The following KATNIP variants were observed in gnomAD, a reference collection of about 807,000 sequenced individuals.
The protein encoded by KATNIP is katanin interacting protein, also known as katanin-interacting protein.
A neutral mutation model predicts 174.0 loss-of-function variants in KATNIP; 126 were observed. The observed-to-expected ratio is 0.72, with a 90% confidence interval of 0.63 to 0.84. KATNIP has a LOEUF of 0.84. Among genes scored for constraint, KATNIP ranks in the 40% least tolerant of loss-of-function variants. The probability of loss-of-function intolerance (pLI) is 0.00; values close to 1 mark genes in which losing one functional copy is unlikely to be tolerated. For missense variants in KATNIP, 1,958 were observed against 2,109.7 expected (o/e 0.93, Z 1.41); for synonymous variants, 810 against 835.7 (o/e 0.97, Z 0.53).
intron 14 of KATNIP, among the ~76,000 whole-genome samples, chr16:27,735,683 C>T (rs1293451308): frequency 1.3e-5 from 2 of 152,168 alleles, no homozygotes; most frequent in Non-Finnish European, 2.9e-5. Flanking sequence ...GTTCCTGTGG[C>T]GTAACGCAGG....
chr16:27,708,430 T>C, intron 12 of KATNIP: 1 of 382,220 alleles, frequency 2.6e-6, no homozygotes, highest in Non-Finnish European at 4.7e-6. Flanking sequence ...ATTCAATGCT[T>C]TTTAGACATT....
At chr16:27,568,624 C>T (rs2090174306) in intron 1 of KATNIP, among the ~76,000 whole-genome samples, 1 of 152,194 alleles carries the variant, frequency 6.6e-6, no homozygotes, top group East Asian at 1.9e-4. Context: ...GCCATCACGC[C>T]CAGCTAATTT....
intron 16 of KATNIP, among the ~76,000 whole-genome samples, chr16:27,750,916 C>T (rs938156861): frequency 2.0e-5 from 3 of 151,482 alleles, no homozygotes; most frequent in Non-Finnish European, 4.4e-5. Flanking sequence ...TTTGTAGAGA[C>T]GAGGTTTCAC....
At chr16:27,631,398 C>T (rs534970751) in intron 5 of KATNIP, 49 of 488,042 alleles carry the variant, frequency 1.0e-4, no homozygotes, top group African/African-American at 6.4e-4. Context: ...ATAAAAAATT[C>T]GCCAGGTGTG....
chr16:27,764,725 C>A (rs1370308749), intron 19 of KATNIP, among the ~76,000 whole-genome samples: 1 of 152,210 alleles, frequency 6.6e-6, no homozygotes, highest in African/African-American at 2.4e-5. Context: ...TCTCTGCTCT[C>A]AGAATTGGGC....
At chr16:27,704,949 C>T (rs1451086277) in intron 12 of KATNIP, among the ~76,000 whole-genome samples, 3 of 138,356 alleles carry the variant, frequency 2.2e-5, no homozygotes, top group African/African-American at 2.7e-5. Context: ...CTTGTTCTGT[C>T]GCCCAGGCTG....
rs1048681366 is a variant in KATNIP, at chr16:27,780,286, A to G, written c.*1657A>G. The stretch of plus-strand genomic sequence containing the variant: ...TGTACTGTGCAATTTAGGAGGGGAA[A>G]AAAAGGCTGTACAAGCTTTAACTCT... On this transcript the variant is annotated 3_prime_UTR_variant, in exon 28 of 28. Transcript: ENST00000261588. 2 of 152,252 alleles carry G rather than the reference A, an allele frequency of 1.3e-5. No homozygotes were observed. Among genetic ancestry groups the G allele is most frequent in the African/African-American group, 4.8e-5 (2 of 41,462 alleles). 9.4% of individuals were successfully genotyped at this position (152,252 alleles called of 1,614,324 possible). A position where few individuals can be genotyped will look rare whatever the true frequency, so the allele number is the denominator to read the frequency against.
At chr16:27,640,466 A>G (rs955983770) in intron 5 of KATNIP, among the ~76,000 whole-genome samples, 2 of 152,048 alleles carry the variant, frequency 1.3e-5, no homozygotes, top group Admixed American at 6.6e-5. Context: ...GCTGCTTTCA[A>G]TCTCCTCCCA....
chr16:27,601,148 C>T (rs2075510233), intron 2 of KATNIP, among the ~76,000 whole-genome samples: 1 of 152,218 alleles, frequency 6.6e-6, no homozygotes, highest in South Asian at 2.1e-4. Context: ...CCCTTTCCTT[C>T]TGTTCCTCCG....
chr16:27,767,016 G>A (rs1423360738), intron 20 of KATNIP, among the ~76,000 whole-genome samples: 3 of 152,188 alleles, frequency 2.0e-5, no homozygotes, highest in Admixed American at 6.5e-5. Flanking sequence ...GAAGCAGCAG[G>A]GGGGCGCTTC....
At position 27,684,966 on chromosome 16, in the gene KATNIP, A is replaced by G. The variant is rs147447614; in HGVS notation, c.940+3436A>G. On this transcript the variant is annotated intron_variant, in intron 8 of 27. Coordinates refer to ENST00000261588, the MANE Select transcript of KATNIP (RefSeq NM_015202.5). ...TTTAGGGGACACAATTCAACCCATA[A>G]TATATGCTTTCATGTCTAGCACTTT... Among the ~76,000 whole-genome samples the G allele has an allele frequency of 9.5e-3, 1,448 of 152,294 alleles. 23 individuals carry two copies. Among genetic ancestry groups the G allele is most frequent in the African/African-American group, 0.034 (1,397 of 41,558 alleles).
intron 5 of KATNIP, among the ~76,000 whole-genome samples, chr16:27,636,470 A>C (rs1363856804): frequency 6.6e-6 from 1 of 152,132 alleles, no homozygotes; most frequent in Non-Finnish European, 1.5e-5. Flanking sequence ...TAGGCTTTGG[A>C]CTGCTCACTG....
chr16:27,573,622 C>A (rs1247959045), intron 1 of KATNIP, among the ~76,000 whole-genome samples: 1 of 152,160 alleles, frequency 6.6e-6, no homozygotes, highest in African/African-American at 2.4e-5. Context: ...AACTACAGTC[C>A]CTCAGCCCTT....
At chr16:27,747,882 G>A (rs1273322494) in intron 15 of KATNIP, among the ~76,000 whole-genome samples, 1 of 152,188 alleles carries the variant, frequency 6.6e-6, no homozygotes, top group Non-Finnish European at 1.5e-5. Context: ...CCAGGTAGGA[G>A]AGATTTATGC....
chr16:27,593,319 A>G (rs1596838001), intron 2 of KATNIP, among the ~76,000 whole-genome samples: 1 of 135,166 alleles, frequency 7.4e-6, no homozygotes, highest in African/African-American at 2.9e-5. Flanking sequence ...GCTCACTGCA[A>G]CCTCCACCTC....
intron 22 of KATNIP, among the ~76,000 whole-genome samples, chr16:27,771,853 C>T (rs542617938): frequency 7.2e-5 from 11 of 152,322 alleles, no homozygotes; most frequent in Admixed American, 6.5e-4. Context: ...AGGCTAGTTC[C>T]TGCTGAGGCT....
At chr16:27,604,513 T>C (rs554694946) in intron 2 of KATNIP, among the ~76,000 whole-genome samples, 19 of 152,168 alleles carry the variant, frequency 1.2e-4, no homozygotes, top group African/African-American at 4.3e-4. Flanking sequence ...GGAATTACAC[T>C]TGTGAGTCAC....
chr16:27,602,712 T>C (rs976545437), intron 2 of KATNIP, among the ~76,000 whole-genome samples: 7 of 152,180 alleles, frequency 4.6e-5, no homozygotes, highest in Non-Finnish European at 1.0e-4. Flanking sequence ...TTCTTCTTTT[T>C]TTTTGAAACA....
intron 6 of KATNIP, among the ~76,000 whole-genome samples, chr16:27,671,117 C>A (rs564816627): frequency 2.0e-5 from 3 of 152,256 alleles, no homozygotes; most frequent in African/African-American, 7.2e-5. Context: ...CGCTTGAACC[C>A]AGGAGGCAGA....
Sources: allele counts gnomAD v4.1 joint callset (sites outside exome capture counted in the v4.1 genomes callset), GRCh38; gene constraint gnomAD v4.1.1; transcripts MANE v1.5; gene names NCBI Gene and HGNC (gene_info 2026-07-23, HGNC 2026-07-21).